Variants in SOAT1 observed in about 807,000 individuals in gnomAD.
SOAT1 encodes the protein acyl-coenzyme A:cholesterol acyltransferase 1.
In SOAT1, 55 loss-of-function variants were observed where a neutral mutation model predicts 69.5. That is an observed-to-expected ratio of 0.79 (90% CI 0.64 to 0.99). The LOEUF (loss-of-function observed/expected upper bound fraction) is 0.99. SOAT1 is among the 50% of genes least tolerant of loss of function. SOAT1 has a pLI of 0.00. For synonymous variants in SOAT1, 231 were observed against 224.7 expected (o/e 1.03, Z -0.25); for missense variants, 580 against 669.3 (o/e 0.87, Z 1.47).
At chr1:179,303,018 A>G (rs1664888415) in intron 2 of SOAT1, among the ~76,000 whole-genome samples, 1 of 152,196 alleles carries the variant, frequency 6.6e-6, no homozygotes, top group Non-Finnish European at 1.5e-5. Flanking sequence ...GAGACCATTC[A>G]TTCAGTCACG....
At chr1:179,295,894 G>A (rs1040292712) in intron 1 of SOAT1, among the ~76,000 whole-genome samples, 62 of 63,532 alleles carry the variant, frequency 9.8e-4, no homozygotes, top group African/African-American at 2.8e-3. Context: ...TCCGCCTCCC[G>A]GGTTCAAGCG....
Position 179,323,576 on chromosome 1 carries a change from G to T in SOAT1, c.177+81G>T, listed in dbSNP as rs1330212047. 12 of 1,130,758 alleles carry T rather than the reference G, an allele frequency of 1.1e-5. No individual in the cohort carries two copies. In the East Asian group the frequency reaches 1.7e-4, roughly 16 times the overall value. The allele number at this position is 1,130,758 out of a possible 1,614,324, so 70.0% of individuals were successfully genotyped here. ...TTGGTAACATTTTTAATGCTAAATT[G>T]CTCAGATAATTATTTAAGCCATTCA... On this transcript the variant is annotated intron_variant, in intron 3 of 15. Transcript: ENST00000367619.
At chr1:179,338,643 G>A (rs1666235521) in intron 5 of SOAT1, among the ~76,000 whole-genome samples, 1 of 152,076 alleles carries the variant, frequency 6.6e-6, no homozygotes, top group Non-Finnish European at 1.5e-5. Flanking sequence ...ACATCTGGGG[G>A]AAAACGCAGG....
intron 2 of SOAT1, among the ~76,000 whole-genome samples, chr1:179,307,028 A>G (rs955295912): frequency 2.0e-5 from 3 of 152,198 alleles, no homozygotes; most frequent in African/African-American, 7.2e-5. Flanking sequence ...GTTAAATGAA[A>G]GACGACTATG....
At chr1:179,341,596 A>G (rs1473879161) in intron 7 of SOAT1, among the ~76,000 whole-genome samples, 1 of 147,694 alleles carries the variant, frequency 6.8e-6, no homozygotes, top group African/African-American at 2.5e-5. Context: ...GTGCAGTGGC[A>G]CCATCTCGGC....
Position 179,350,303 on chromosome 1 carries a change from C to T in SOAT1, c.1322C>T (p.Ser441Phe), listed in dbSNP as rs1214321641. The T allele has an allele frequency of 6.2e-7, 1 of 1,611,256 alleles. No homozygotes were observed. Among genetic ancestry groups the T allele is most frequent in the Non-Finnish European group, 8.5e-7 (1 of 1,179,340 alleles). The part of the protein sequence containing the change: ...YAYKDFLWFF[S>F]KRFKSAAMLA... ...GTTTTCCTTTTTCTTTAGTTTTTCT[C>T]CAAGAGATTCAAATCTGCTGCCATG... The change falls in exon 14 of 16, where the codon TCC (serine) becomes TTC (phenylalanine). Residue 441 changes from serine (S) to phenylalanine (F), a missense_variant. Transcript: ENST00000367619.
intron 2 of SOAT1, among the ~76,000 whole-genome samples, chr1:179,318,434 G>A (rs777636652): frequency 5.9e-5 from 9 of 152,006 alleles, no homozygotes; most frequent in South Asian, 2.1e-4. Flanking sequence ...ATAAAATTAC[G>A]AAAAAGATTC....
At chr1:179,301,484 C>G (rs891357779) in intron 1 of SOAT1, among the ~76,000 whole-genome samples, 1 of 152,070 alleles carries the variant, frequency 6.6e-6, no homozygotes, top group African/African-American at 2.4e-5. Context: ...CAATCGGGCT[C>G]TGTCGTTAGC....
intron 1 of SOAT1, among the ~76,000 whole-genome samples, chr1:179,298,929 T>C (rs1009241493): frequency 9.2e-5 from 14 of 152,212 alleles, no homozygotes; most frequent in African/African-American, 3.4e-4. Context: ...TGGTTACATA[T>C]TAACTGATAC....
At chr1:179,342,006 T>G (rs112464301) in intron 7 of SOAT1, 108 bp from the exon 8 acceptor site, 7 of 1,437,918 alleles carry the variant, frequency 4.9e-6, no homozygotes, top group Middle Eastern at 1.8e-4. Context: ...TATACACTTA[T>G]CAGGATTTTC....
At chr1:179,316,310 G>C in intron 2 of SOAT1, among the ~76,000 whole-genome samples, 1 of 150,050 alleles carries the variant, frequency 6.7e-6, no homozygotes, top group South Asian at 2.1e-4. Context: ...TACTTGCGTA[G>C]TTGATATTCT....
chr1:179,334,804 T>A (rs1250696030), intron 3 of SOAT1, among the ~76,000 whole-genome samples: 3 of 150,996 alleles, frequency 2.0e-5, no homozygotes, highest in Non-Finnish European at 4.4e-5. Flanking sequence ...TCACCTGAGG[T>A]TGGGAGTTGG....
intron 5 of SOAT1, 66 bp downstream of exon 5, chr1:179,337,962 C>A: frequency 8.8e-7 from 1 of 1,142,634 alleles, no homozygotes; most frequent in Non-Finnish European, 1.3e-6. Flanking sequence ...AGAATCATTG[C>A]TTAGTATATG....
intron 13 of SOAT1, among the ~76,000 whole-genome samples, chr1:179,349,830 G>A (rs537227043): frequency 2.6e-5 from 4 of 152,214 alleles, no homozygotes; most frequent in Admixed American, 6.5e-5. Context: ...AGCATCTTAT[G>A]GTGGAAATAG....
chr1:179,299,356 A>C (rs1168320203), intron 1 of SOAT1, among the ~76,000 whole-genome samples: 1 of 152,222 alleles, frequency 6.6e-6, no homozygotes, highest in Non-Finnish European at 1.5e-5. Context: ...ATGTAATGTA[A>C]AAAGTTTAGC....
chr1:179,323,625 CAAGAAAAT>C (rs1173907432), intron 3 of SOAT1, 130 bp downstream of exon 3: 13 of 745,076 alleles, frequency 1.7e-5, no homozygotes, highest in Middle Eastern at 7.6e-4. Flanking sequence ...TCCTGTGGAA[CAAGAAAAT>C]AAGATCTGCT....
At chr1:179,303,027 C>T (rs547549873) in intron 2 of SOAT1, among the ~76,000 whole-genome samples, 3 of 152,272 alleles carry the variant, frequency 2.0e-5, no homozygotes, top group East Asian at 3.9e-4. Context: ...CATTCAGTCA[C>T]GTAACCTACC....
chr1:179,322,993 C>G (rs139007355), intron 2 of SOAT1, among the ~76,000 whole-genome samples: 2 of 149,822 alleles, frequency 1.3e-5, no homozygotes, highest in Admixed American at 6.6e-5. Flanking sequence ...AGAATCCTTA[C>G]GTTTCTTATA....
In SOAT1 at chr1:179,341,012, T is replaced by C; in HGVS notation, c.498-16T>C. The C allele has an allele frequency of 6.2e-7, 1 of 1,610,404 alleles. No individual in the cohort carries two copies. Among genetic ancestry groups the C allele is most frequent in the Non-Finnish European group, 8.5e-7 (1 of 1,178,134 alleles). On this transcript the variant is annotated splice_polypyrimidine_tract_variant and intron_variant, in intron 6 of 15. Transcript: ENST00000367619. ...AATTCACCTCTATGTTCTTTTTCTGTACCTTTTCTCCCCAGGCTGGTGCTT... is the reference window on the plus strand; with the variant it reads ...AATTCACCTCTATGTTCTTTTTCTGCACCTTTTCTCCCCAGGCTGGTGCTT...
Sources: gnomAD v4.1 joint callset for allele counts (sites outside exome capture counted in the v4.1 genomes callset) on GRCh38, gnomAD v4.1.1 for gene constraint, MANE v1.5 for transcripts, NCBI Gene and HGNC (gene_info 2026-07-23, HGNC 2026-07-21) for gene names.